DCDC2: variants seen among roughly 807,000 people sequenced by gnomAD.
The protein encoded by DCDC2 is doublecortin domain containing 2.
DCDC2 carries 40 observed loss-of-function variants against 50.2 expected under a neutral mutation model. That is an observed-to-expected ratio of 0.80 (90% CI 0.62 to 1.04). The LOEUF (loss-of-function observed/expected upper bound fraction) is 1.04, where lower values mean the gene tolerates loss of function less well. Among genes scored for constraint, DCDC2 ranks in the 50% least tolerant of loss-of-function variants. DCDC2 has a pLI of 0.00. For missense variants in DCDC2, 570 were observed against 581.9 expected, an observed-to-expected ratio of 0.98 and a Z score of 0.21; for synonymous variants, 234 against 210.6, an observed-to-expected ratio of 1.11 and a Z score of -0.96.
At chr6:24,358,827 A>ATATATTT (rs1561788293), upstream of DCDC2, among the ~76,000 whole-genome samples, 8 of 27,214 alleles carry the variant, frequency 2.9e-4, no homozygotes, top group African/African-American at 1.9e-3. Flanking sequence ...TATATATATT[A>ATATATTT]TATTTATATA....
At chr6:24,206,163 A>G (rs552572919) in intron 7 of DCDC2, among the ~76,000 whole-genome samples, 1 of 152,322 alleles carries the variant, frequency 6.6e-6, no homozygotes, top group African/African-American at 2.4e-5. Context: ...ATATTTTTAC[A>G]CTTGTTGAGG....
intron 2 of DCDC2, among the ~76,000 whole-genome samples, chr6:24,336,721 T>C (rs893400947): frequency 1.2e-4 from 18 of 152,148 alleles, no homozygotes; most frequent in Non-Finnish European, 2.4e-4. Flanking sequence ...CCCTGCCTTT[T>C]TTTTTTATTT....
At chr6:24,330,139 AC>A (rs1297590701) in intron 2 of DCDC2, among the ~76,000 whole-genome samples, 2 of 152,248 alleles carry the variant, frequency 1.3e-5, no homozygotes, top group East Asian at 3.9e-4. Context: ...ATTAGCAATA[AC>A]CAAAATGTAG....
intron 7 of DCDC2, among the ~76,000 whole-genome samples, chr6:24,241,182 A>G (rs1224640604): frequency 6.6e-6 from 1 of 152,194 alleles, no homozygotes; most frequent in Non-Finnish European, 1.5e-5. Flanking sequence ...ACCTAGGTAA[A>G]CATGTAAAGG....
intron 2 of DCDC2, among the ~76,000 whole-genome samples, chr6:24,326,912 T>C (rs73727530): frequency 0.055 from 8,166 of 148,478 alleles, 729 homozygotes; most frequent in Middle Eastern, 0.075. Context: ...ATTTAACCCA[T>C]ACCATACTGT....
Position 24,257,709 on chromosome 6 carries a change from A to AG in DCDC2, c.922+20339dup, listed in dbSNP as rs71542668. ...GCCTGAAGTTGGGGAAAAAAAAAAA[A>AG]GGCCATGAAAGTGACAAGCTTCTAA... On this transcript the variant is annotated intron_variant, in intron 7 of 9. Transcript: ENST00000378454. Among the ~76,000 whole-genome samples the AG allele has an allele frequency of 3.3e-5, 5 of 151,088 alleles. No individual in the cohort carries two copies. In the South Asian group the frequency reaches 1.0e-3, roughly 31 times the overall value.
chr6:24,294,522 G>A (rs1000896379), intron 4 of DCDC2, among the ~76,000 whole-genome samples: 1 of 151,884 alleles, frequency 6.6e-6, no homozygotes, highest in Non-Finnish European at 1.5e-5. Context: ...AAAGATCAAT[G>A]GATCCAGGAG....
At chr6:24,238,605 C>T (rs1762503739) in intron 7 of DCDC2, among the ~76,000 whole-genome samples, 1 of 152,044 alleles carries the variant, frequency 6.6e-6, no homozygotes, top group African/African-American at 2.4e-5. Flanking sequence ...GGCCCGAACA[C>T]CCAAAAGTTT....
chr6:24,174,490 G>A lies in DCDC2; in HGVS notation c.*240C>T. The A allele has an allele frequency of 3.5e-6, 1 of 289,548 alleles. No individual in the cohort carries two copies. The highest frequency in any genetic ancestry group is 6.4e-6 in the Non-Finnish European group (1 of 157,238). 17.9% of individuals were successfully genotyped at this position (289,548 alleles called of 1,614,324 possible). Reference sequence around the variant, plus strand: ...TGTCTTCCAGTGCAAATTCTCCTCTGTCCGTCTTATTTAATATTTCTATAT... The same window carrying A: ...TGTCTTCCAGTGCAAATTCTCCTCTATCCGTCTTATTTAATATTTCTATAT... On this transcript the variant is annotated 3_prime_UTR_variant, in exon 10 of 10. Coordinates refer to ENST00000378454, the MANE Select transcript of DCDC2 (RefSeq NM_016356.5).
the DCDC2 span, among the ~76,000 whole-genome samples, chr6:24,369,256 C>G: frequency 2.0e-5 from 3 of 150,556 alleles, no homozygotes; most frequent in Non-Finnish European, 4.4e-5. Context: ...AATATAATAA[C>G]TTGTGATATT....
At chr6:24,291,516 C>T (rs1230817991) in intron 4 of DCDC2, among the ~76,000 whole-genome samples, 11 of 131,420 alleles carry the variant, frequency 8.4e-5, no homozygotes, top group South Asian at 4.7e-4. Flanking sequence ...GACGGAGTCT[C>T]GCTCTGTCGC....
Position 24,171,959 on chromosome 6 carries a change from G to T in DCDC2, c.*2771C>A, listed in dbSNP as rs895272024. 3.3e-5 allele frequency: 5 copies of T among 152,188 alleles called. No individual in the cohort carries two copies. The highest frequency in any genetic ancestry group is 5.9e-5 in the Non-Finnish European group (4 of 68,030). 9.4% of individuals were successfully genotyped at this position (152,188 alleles called of 1,614,324 possible). A position where few individuals can be genotyped will look rare whatever the true frequency, so the allele number is the denominator to read the frequency against. Reference sequence around the variant, plus strand: ...TGGTTATCACATAAAAGCATCATAAGTTTTTCGTAGCACTCTCTCTAGAAA... The same window carrying T: ...TGGTTATCACATAAAAGCATCATAATTTTTTCGTAGCACTCTCTCTAGAAA... On this transcript the variant is annotated 3_prime_UTR_variant, in exon 10 of 10. Coordinates refer to ENST00000378454, the MANE Select transcript of DCDC2 (RefSeq NM_016356.5).
At chr6:24,290,752 T>C (rs140802123) in intron 5 of DCDC2, among the ~76,000 whole-genome samples, 180 bp downstream of exon 5, 2 of 152,276 alleles carry the variant, frequency 1.3e-5, no homozygotes, top group East Asian at 3.9e-4. Context: ...TTTTGTTCAA[T>C]AGCTTTCAGT....
intron 2 of DCDC2, among the ~76,000 whole-genome samples, chr6:24,329,363 T>G (rs1759928566): frequency 6.6e-6 from 1 of 152,184 alleles, no homozygotes; most frequent in African/African-American, 2.4e-5. Flanking sequence ...GTATCAATAT[T>G]AAGAAGAAAA....
At chr6:24,178,282 CA>C in intron 9 of DCDC2, 47 bp downstream of exon 9, 1 of 1,550,776 alleles carries the variant, frequency 6.4e-7, no homozygotes, top group Non-Finnish European at 8.8e-7. Flanking sequence ...CATGTACACA[CA>C]CACATATTCA....
chr6:24,296,897 A>G (rs1233680726), intron 4 of DCDC2, among the ~76,000 whole-genome samples: 1 of 152,238 alleles, frequency 6.6e-6, no homozygotes, highest in Non-Finnish European at 1.5e-5. Context: ...TGTGGAAAGC[A>G]GTGTGGCAAT....
chr6:24,213,134 A>G (rs554528860), intron 7 of DCDC2, among the ~76,000 whole-genome samples: 1 of 152,300 alleles, frequency 6.6e-6, no homozygotes, highest in East Asian at 1.9e-4. Context: ...AAATTACTAA[A>G]AACTATTCTT....
chr6:24,286,320 C>T (rs939661939), intron 6 of DCDC2, among the ~76,000 whole-genome samples: 7 of 152,136 alleles, frequency 4.6e-5, no homozygotes, highest in South Asian at 4.1e-4. Flanking sequence ...AGGCCAGGTG[C>T]GGTGGCTCAC....
intron 7 of DCDC2, among the ~76,000 whole-genome samples, chr6:24,276,452 T>C (rs559986289): frequency 6.6e-6 from 1 of 152,202 alleles, no homozygotes; most frequent in Non-Finnish European, 1.5e-5. Flanking sequence ...TGGATCCTGT[T>C]TCATGATGGG....
Sources: gnomAD v4.1 joint callset for allele counts (sites outside exome capture counted in the v4.1 genomes callset) on GRCh38, gnomAD v4.1.1 for gene constraint, MANE v1.5 for transcripts, NCBI Gene and HGNC (gene_info 2026-07-23, HGNC 2026-07-21) for gene names.